The following ZFAT variants were observed in gnomAD, a reference collection of about 807,000 sequenced individuals.
ZFAT encodes the protein zinc finger and AT-hook domain containing, also known as zinc finger protein ZFAT.
ZFAT carries 64 observed loss-of-function variants against 117.7 expected under a neutral mutation model. The ratio of observed to expected loss-of-function variants is 0.54; its 90% CI spans 0.44 to 0.67. ZFAT has a LOEUF of 0.67. Ranked by LOEUF, ZFAT falls within the 30% of genes least tolerant of loss-of-function variation. The probability of loss-of-function intolerance (pLI) is 0.00; values close to 1 mark genes in which losing one functional copy is unlikely to be tolerated. For missense variants in ZFAT, 1,433 were observed against 1,584.5 expected, an observed-to-expected ratio of 0.90 and a Z score of 1.62; for synonymous variants, 679 against 615.0, an observed-to-expected ratio of 1.10 and a Z score of -1.54.
At chr8:134,717,451 A>G (rs1444242727), upstream of ZFAT, among the ~76,000 whole-genome samples, 1 of 128,466 alleles carries the variant, frequency 7.8e-6, no homozygotes, top group Non-Finnish European at 1.6e-5. Flanking sequence ...GAAATTGGTC[A>G]AGTCAATAAC....
chr8:134,576,069 G>A (rs1264947896), intron 10 of ZFAT, among the ~76,000 whole-genome samples: 1 of 152,178 alleles, frequency 6.6e-6, no homozygotes, highest in Non-Finnish European at 1.5e-5. Flanking sequence ...GCCACATAAA[G>A]GACAGAGCAC....
intron 1 of ZFAT, among the ~76,000 whole-genome samples, chr8:134,676,746 C>T (rs542112039): frequency 1.3e-5 from 2 of 152,340 alleles, no homozygotes; most frequent in Admixed American, 1.3e-4. Flanking sequence ...AACAAACAGT[C>T]TCTCAGACCA....
intron 2 of ZFAT, among the ~76,000 whole-genome samples, chr8:134,652,394 A>G (rs979368449): frequency 1.3e-5 from 2 of 152,222 alleles, no homozygotes; most frequent in Non-Finnish European, 1.5e-5. Context: ...TAGCAGAAAA[A>G]AACTCATCCA....
the ZFAT span, among the ~76,000 whole-genome samples, chr8:134,817,533 C>T: frequency 6.6e-6 from 1 of 151,812 alleles, no homozygotes; most frequent in African/African-American, 2.4e-5. Flanking sequence ...AACTACCAAA[C>T]ATTACTGAGA....
At chr8:134,536,158 T>G (rs1020212628) in intron 11 of ZFAT, among the ~76,000 whole-genome samples, 2 of 152,292 alleles carry the variant, frequency 1.3e-5, no homozygotes, top group Middle Eastern at 6.8e-3. Context: ...AAAAAATGTG[T>G]GTGTGAGCCC....
intron 11 of ZFAT, among the ~76,000 whole-genome samples, chr8:134,552,316 T>C (rs1823226613): frequency 6.6e-6 from 1 of 152,220 alleles, no homozygotes; most frequent in South Asian, 2.1e-4. Flanking sequence ...AAATGAATAG[T>C]TAGCACTTTA....
At chr8:134,559,792 TATC>T (rs1823920333) in intron 11 of ZFAT, among the ~76,000 whole-genome samples, 1 of 152,198 alleles carries the variant, frequency 6.6e-6, no homozygotes, top group Admixed American at 6.5e-5. Context: ...TTGGACAACT[TATC>T]ATACACTCAA....
chr8:134,564,866 C>T, intron 11 of ZFAT: 2 of 907,612 alleles, frequency 2.2e-6, no homozygotes, highest in East Asian at 1.4e-4. Flanking sequence ...TGAAATGCCA[C>T]CATCTCCTGA....
intron 3 of ZFAT, 54 bp from the exon 4 acceptor site, chr8:134,610,709 T>G (rs2130970805): frequency 6.3e-7 from 1 of 1,591,928 alleles, no homozygotes; most frequent in East Asian, 2.2e-5. Flanking sequence ...AGTGGCAGAG[T>G]TGGAGGGTAA....
intron 10 of ZFAT, among the ~76,000 whole-genome samples, chr8:134,574,480 T>C (rs1825162975): frequency 1.3e-5 from 2 of 151,730 alleles, no homozygotes; most frequent in Admixed American, 1.3e-4. Flanking sequence ...TCCCTGAGGA[T>C]GACTCCAGCT....
the ZFAT span, among the ~76,000 whole-genome samples, chr8:134,726,781 T>TTC: frequency 1.3e-5 from 2 of 151,574 alleles, no homozygotes; most frequent in African/African-American, 4.8e-5. Context: ...TTTTTTTTTT[T>TTC]GTATTTTGGT....
chr8:134,485,539 C>A (rs1817605602), intron 15 of ZFAT, among the ~76,000 whole-genome samples: 1 of 152,198 alleles, frequency 6.6e-6, no homozygotes, highest in Non-Finnish European at 1.5e-5. Context: ...TTCTGGAATC[C>A]TTGACACTGA....
upstream of ZFAT, among the ~76,000 whole-genome samples, chr8:134,713,802 C>T (rs1486271925): frequency 6.6e-6 from 1 of 152,138 alleles, no homozygotes. Context: ...CCCTCACCCC[C>T]CGAAACCCAT....
chr8:134,564,187 C>T (rs916165933), intron 11 of ZFAT, among the ~76,000 whole-genome samples: 1 of 121,878 alleles, frequency 8.2e-6, no homozygotes, highest in Admixed American at 8.8e-5. Flanking sequence ...AGTGAGACTC[C>T]TTCTCAAAAA....
At chr8:134,783,064 T>G in the ZFAT span, among the ~76,000 whole-genome samples, 25 of 152,260 alleles carry the variant, frequency 1.6e-4, no homozygotes, top group East Asian at 4.8e-3. Context: ...CATATACATC[T>G]TTAGTAATTG....
chr8:134,533,059 C>T, intron 11 of ZFAT, 87 bp from the exon 12 acceptor site: 1 of 1,514,276 alleles, frequency 6.6e-7, no homozygotes, highest in Non-Finnish European at 8.8e-7. Context: ...CATCTGACAC[C>T]CTGAAAGCCT....
At chr8:134,571,524 T>C (rs904755134) in intron 10 of ZFAT, among the ~76,000 whole-genome samples, 1 of 135,048 alleles carries the variant, frequency 7.4e-6, no homozygotes, top group East Asian at 3.5e-4. Context: ...CCAAGAAGTA[T>C]AGCTGTTGAA....
the ZFAT span, among the ~76,000 whole-genome samples, chr8:134,779,981 T>C: frequency 6.6e-6 from 1 of 152,176 alleles, no homozygotes; most frequent in Non-Finnish European, 1.5e-5. Flanking sequence ...CTACCTCCAC[T>C]GTTTCTCCAA....
intron 11 of ZFAT, among the ~76,000 whole-genome samples, chr8:134,539,341 T>G (rs1822077142): frequency 1.3e-5 from 2 of 152,218 alleles, no homozygotes; most frequent in Admixed American, 6.5e-5. Context: ...GCAAGAAGGC[T>G]GTCATCAGGT....
Sources: allele counts gnomAD v4.1 joint callset (sites outside exome capture counted in the v4.1 genomes callset), GRCh38; gene constraint gnomAD v4.1.1; transcripts MANE v1.5; gene names NCBI Gene and HGNC (gene_info 2026-07-23, HGNC 2026-07-21).